ATP6V0E1: variants seen among roughly 807,000 people sequenced by gnomAD.
ATP6V0E1 encodes V-type proton ATPase subunit e 1.
ATP6V0E1 carries 4 observed loss-of-function variants against 11.6 expected under a neutral mutation model. The ratio of observed to expected loss-of-function variants is 0.35; its 90% CI spans 0.17 to 0.79. The LOEUF is 0.79. Among genes scored for constraint, ATP6V0E1 ranks in the 30% least tolerant of loss-of-function variants. ATP6V0E1 has a pLI of 0.54. For synonymous variants in ATP6V0E1, 36 were observed against 34.8 expected, an observed-to-expected ratio of 1.04 and a Z score of -0.13; for missense variants, 105 against 100.0, an observed-to-expected ratio of 1.05 and a Z score of -0.21.
intron 3 of ATP6V0E1, among the ~76,000 whole-genome samples, chr5:173,024,283 A>G (rs916506927): frequency 9.2e-5 from 14 of 151,822 alleles, no homozygotes; most frequent in Admixed American, 4.6e-4. Context: ...TTTAATTTTC[A>G]TAGTAAGATG....
intron 2 of ATP6V0E1, among the ~76,000 whole-genome samples, chr5:172,999,615 C>T (rs147961339): frequency 5.3e-5 from 8 of 152,364 alleles, no homozygotes; most frequent in African/African-American, 1.9e-4. Flanking sequence ...GCGTGAGCCA[C>T]CACGCCCAGT....
intron 2 of ATP6V0E1, among the ~76,000 whole-genome samples, chr5:173,006,869 G>A (rs1756238591): frequency 6.6e-6 from 1 of 152,142 alleles, no homozygotes. Context: ...GTTTGTAGGG[G>A]AAGGGAAGGG....
chr5:172,998,733 C>T (rs573790536), intron 2 of ATP6V0E1, among the ~76,000 whole-genome samples: 1 of 152,050 alleles, frequency 6.6e-6, no homozygotes, highest in South Asian at 2.1e-4. Context: ...AGTAAGGGAG[C>T]GCCATATCAA....
At chr5:173,022,185 A>G (rs73329286) in intron 3 of ATP6V0E1, among the ~76,000 whole-genome samples, 3,250 of 152,274 alleles carry the variant, frequency 0.021, 110 homozygotes, top group African/African-American at 0.073. Flanking sequence ...ATTTTGTTAA[A>G]TGGAAGTTAG....
chr5:173,027,715 A>G (rs1351847253), intron 3 of ATP6V0E1, among the ~76,000 whole-genome samples: 2 of 152,018 alleles, frequency 1.3e-5, no homozygotes, highest in African/African-American at 4.8e-5. Context: ...TGGCTTCTCG[A>G]AGTGCTGGGA....
chr5:172,998,295 T>C (rs1561769387), intron 2 of ATP6V0E1, among the ~76,000 whole-genome samples: 1 of 150,548 alleles, frequency 6.6e-6, no homozygotes, highest in Non-Finnish European at 1.5e-5. Flanking sequence ...GGAATTCTTA[T>C]CACTGTGTTT....
chr5:173,033,800 C>T (rs1273864902), intron 3 of ATP6V0E1, among the ~76,000 whole-genome samples: 2 of 152,120 alleles, frequency 1.3e-5, no homozygotes, highest in East Asian at 1.9e-4. Flanking sequence ...GCCGAGATCA[C>T]GCCACTGCAC....
chr5:173,003,071 T>C (rs1756183059), intron 2 of ATP6V0E1, among the ~76,000 whole-genome samples: 1 of 152,082 alleles, frequency 6.6e-6, no homozygotes, highest in South Asian at 2.1e-4. Flanking sequence ...CAGGGTAATG[T>C]TGGGCTTAAT....
At chr5:172,985,058 A>C (rs1179933065) in intron 1 of ATP6V0E1, among the ~76,000 whole-genome samples, 1 of 152,158 alleles carries the variant, frequency 6.6e-6, no homozygotes, top group Admixed American at 6.5e-5. Flanking sequence ...CATCCTGGCT[A>C]ACACGGTGAA....
intron 3 of ATP6V0E1, among the ~76,000 whole-genome samples, chr5:173,030,903 C>T (rs943774725): frequency 6.6e-6 from 1 of 151,446 alleles, no homozygotes; most frequent in African/African-American, 2.4e-5. Context: ...CATGCACCAC[C>T]ATGCTTGGCT....
chr5:173,016,828 A>G (rs1009282729), intron 2 of ATP6V0E1, among the ~76,000 whole-genome samples: 1 of 152,124 alleles, frequency 6.6e-6, no homozygotes, highest in African/African-American at 2.4e-5. Flanking sequence ...TTGAACCTCA[A>G]CTACAAGTCT....
At chr5:172,988,858 T>A (rs1051697918) in intron 1 of ATP6V0E1, among the ~76,000 whole-genome samples, 9 of 152,144 alleles carry the variant, frequency 5.9e-5, no homozygotes, top group African/African-American at 2.2e-4. Context: ...TTGACTAATT[T>A]TTGTATTTTT....
chr5:173,002,218 C>T (rs1013640222), intron 2 of ATP6V0E1, among the ~76,000 whole-genome samples: 15 of 152,130 alleles, frequency 9.9e-5, no homozygotes, highest in African/African-American at 3.6e-4. Flanking sequence ...ACCACAATAC[C>T]ATTATGCACA....
chr5:172,993,136 C>A (rs1015006964), intron 1 of ATP6V0E1, among the ~76,000 whole-genome samples: 1 of 152,192 alleles, frequency 6.6e-6, no homozygotes, highest in Non-Finnish European at 1.5e-5. Flanking sequence ...TTCCTGTTCT[C>A]TCCTCAGACC....
rs547589206 is a variant in ATP6V0E1, at chr5:173,007,989, G to T, written c.153-12249G>T. Among the ~76,000 whole-genome samples, 4 of 152,324 alleles carry T rather than the reference G, an allele frequency of 2.6e-5. No individual in the cohort carries two copies. The South Asian group carries it at 8.3e-4, about 32-fold the overall frequency. On this transcript the variant is annotated intron_variant, in intron 2 of 3. Transcript: ENST00000519374. Reference sequence around the variant, plus strand: ...GTTCTGAAGTTATTGCCAGGCCAAGGCTACAAGATCAAAGAGGTACCACGT... The same window carrying T: ...GTTCTGAAGTTATTGCCAGGCCAAGTCTACAAGATCAAAGAGGTACCACGT...
intron 3 of ATP6V0E1, among the ~76,000 whole-genome samples, chr5:173,021,831 G>A (rs150633681): frequency 0.094 from 14,292 of 152,138 alleles, 854 homozygotes; most frequent in South Asian, 0.15. Flanking sequence ...GGTGGATCAC[G>A]AGGTCACGAG....
intron 3 of ATP6V0E1, among the ~76,000 whole-genome samples, chr5:173,025,475 T>C (rs1756544236): frequency 6.6e-6 from 1 of 151,070 alleles, no homozygotes; most frequent in African/African-American, 2.4e-5. Context: ...TAACAGTAAC[T>C]TTTATTATTC....
At chr5:172,991,791 C>G (rs1755981104) in intron 1 of ATP6V0E1, among the ~76,000 whole-genome samples, 1 of 152,178 alleles carries the variant, frequency 6.6e-6, no homozygotes, top group South Asian at 2.1e-4. Context: ...ACTACCTGCA[C>G]TGCTGCCAGC....
chr5:173,029,804 A>G (rs1283525338), intron 3 of ATP6V0E1, among the ~76,000 whole-genome samples: 1 of 152,134 alleles, frequency 6.6e-6, no homozygotes, highest in Non-Finnish European at 1.5e-5. Context: ...ATGAGCCACA[A>G]CAGATAAGAA....
Sources: gnomAD v4.1 joint callset for allele counts (sites outside exome capture counted in the v4.1 genomes callset) on GRCh38, gnomAD v4.1.1 for gene constraint, MANE v1.5 for transcripts, NCBI Gene and HGNC (gene_info 2026-07-23, HGNC 2026-07-21) for gene names.